Variants in DPY19L2 observed in about 807,000 individuals in gnomAD.
DPY19L2 encodes the protein probable C-mannosyltransferase DPY19L2.
Under a neutral mutation model 97.9 loss-of-function variants are expected in DPY19L2, and 34 were observed. That is an observed-to-expected ratio of 0.35 (90% CI 0.26 to 0.46). DPY19L2 has a LOEUF of 0.46. Ranked by LOEUF, DPY19L2 falls within the 20% of genes least tolerant of loss-of-function variation. The pLI is 1.00. For synonymous variants in DPY19L2, 230 were observed against 307.9 expected (o/e 0.75, Z 2.65); for missense variants, 623 against 911.4 (o/e 0.68, Z 4.07).
intron 6 of DPY19L2, among the ~76,000 whole-genome samples, chr12:63,627,875 T>C (rs1337281625): frequency 6.6e-6 from 1 of 152,094 alleles, no homozygotes; most frequent in African/African-American, 2.4e-5. Flanking sequence ...TAATAAATAC[T>C]GGTTGAATTA....
At chr12:63,630,877 GCAGT>G (rs1361929994) in intron 6 of DPY19L2, among the ~76,000 whole-genome samples, 3 of 151,936 alleles carry the variant, frequency 2.0e-5, no homozygotes, top group African/African-American at 4.8e-5. Context: ...CTCTCAGACG[GCAGT>G]GCAATCAAAC....
At chr12:63,647,035 T>C (rs913079567) in intron 5 of DPY19L2, among the ~76,000 whole-genome samples, 2 of 152,152 alleles carry the variant, frequency 1.3e-5, no homozygotes, top group East Asian at 1.9e-4. Context: ...GATATGTTAA[T>C]ACTCAAATTC....
chr12:63,648,634 G>T (rs1893765830), intron 4 of DPY19L2, among the ~76,000 whole-genome samples: 1 of 151,924 alleles, frequency 6.6e-6, no homozygotes, highest in Non-Finnish European at 1.5e-5. Flanking sequence ...CACCATGTTG[G>T]CCAGGCTGGT....
chr12:63,630,445 C>T (rs948532236), intron 6 of DPY19L2, among the ~76,000 whole-genome samples: 2 of 151,858 alleles, frequency 1.3e-5, no homozygotes, highest in Non-Finnish European at 2.9e-5. Flanking sequence ...GACTTTAAAC[C>T]AACAAAGATC....
At chr12:63,623,233 C>CA (rs1013422405) in intron 8 of DPY19L2, among the ~76,000 whole-genome samples, 10 of 150,442 alleles carry the variant, frequency 6.6e-5, no homozygotes, top group African/African-American at 2.2e-4. Context: ...GTAATCCCTA[C>CA]AAAAAAAGTG....
intron 16 of DPY19L2, among the ~76,000 whole-genome samples, chr12:63,592,263 T>C (rs1228196962): frequency 2.6e-5 from 4 of 151,568 alleles, no homozygotes; most frequent in African/African-American, 9.7e-5. Context: ...ACCAATGACT[T>C]TCTTCACAGA....
intron 21 of DPY19L2, among the ~76,000 whole-genome samples, chr12:63,564,881 T>A (rs1181156467): frequency 6.6e-6 from 1 of 152,172 alleles, no homozygotes; most frequent in Non-Finnish European, 1.5e-5. Flanking sequence ...CTATCAGTTG[T>A]ATTTCATATT....
intron 12 of DPY19L2, among the ~76,000 whole-genome samples, chr12:63,602,658 A>C (rs1307673870): frequency 6.6e-6 from 1 of 152,094 alleles, no homozygotes; most frequent in Non-Finnish European, 1.5e-5. Flanking sequence ...CCAGGCACAA[A>C]AGTCACATAA....
At chr12:63,631,106 G>A (rs1890545283) in intron 6 of DPY19L2, among the ~76,000 whole-genome samples, 1 of 152,022 alleles carries the variant, frequency 6.6e-6, no homozygotes, top group Non-Finnish European at 1.5e-5. Context: ...ATGCCCACAA[G>A]AGAAAGCAGG....
chr12:63,622,821 G>T (rs1888900799), intron 8 of DPY19L2, among the ~76,000 whole-genome samples: 1 of 151,974 alleles, frequency 6.6e-6, no homozygotes, highest in Non-Finnish European at 1.5e-5. Flanking sequence ...AGCTACTTGG[G>T]AGGCTGAGGC....
At chr12:63,636,517 G>A (rs1042002308) in intron 6 of DPY19L2, among the ~76,000 whole-genome samples, 6 of 152,064 alleles carry the variant, frequency 3.9e-5, no homozygotes, top group Non-Finnish European at 8.8e-5. Context: ...TCATTGTGCT[G>A]TATTCGGGAA....
intron 6 of DPY19L2, among the ~76,000 whole-genome samples, chr12:63,633,042 T>C (rs1185703912): frequency 6.6e-6 from 1 of 152,156 alleles, no homozygotes; most frequent in Non-Finnish European, 1.5e-5. Flanking sequence ...ATCCCTTCCT[T>C]ACACCTTTTA....
At chr12:63,631,680 T>C (rs9672244) in intron 6 of DPY19L2, among the ~76,000 whole-genome samples, 16 of 151,970 alleles carry the variant, frequency 1.1e-4, no homozygotes, top group East Asian at 3.9e-4. Context: ...TTCCAATCAA[T>C]AGAAAAAGAG....
rs781047908 is a variant in DPY19L2, at chr12:63,624,163, T to C, written c.862-32A>G. ...TCAACAAAATGCCCACTTTACATCC[T>C]ATTTACTACAACAAACATATTAAAA... On this transcript the variant is annotated intron_variant, in intron 7 of 21. Transcript: ENST00000324472. The C allele has an allele frequency of 6.2e-5, 93 of 1,503,380 alleles. 2 individuals carry two copies. In the South Asian group the frequency reaches 1.0e-3, roughly 16 times the overall value. 93.1% of individuals were successfully genotyped at this position (1,503,380 alleles called of 1,614,324 possible).
intron 6 of DPY19L2, among the ~76,000 whole-genome samples, chr12:63,633,004 C>T (rs1226611881): frequency 6.6e-6 from 1 of 152,122 alleles, no homozygotes; most frequent in Admixed American, 6.5e-5. Flanking sequence ...GGAAAACTGG[C>T]TAGCCATATG....
chr12:63,658,562 TTTTC>T (rs374678831), intron 4 of DPY19L2, among the ~76,000 whole-genome samples: 258 of 152,290 alleles, frequency 1.7e-3, no homozygotes, highest in African/African-American at 5.5e-3. Context: ...ATTTTATTTC[TTTTC>T]TTTTTTAAAC....
At chr12:63,650,363 A>G (rs990167045) in intron 4 of DPY19L2, among the ~76,000 whole-genome samples, 1 of 152,200 alleles carries the variant, frequency 6.6e-6, no homozygotes, top group Non-Finnish European at 1.5e-5. Context: ...CCATATAGGA[A>G]GACGGGAATT....
chr12:63,624,273 T>C, intron 7 of DPY19L2, 142 bp from the exon 8 acceptor site: 2 of 654,396 alleles, frequency 3.1e-6, no homozygotes. Flanking sequence ...TTCTCAGTTT[T>C]TGAAGCTCTC....
chr12:63,646,831 AATCT>A (rs1398080401), intron 5 of DPY19L2, among the ~76,000 whole-genome samples: 1 of 152,200 alleles, frequency 6.6e-6, no homozygotes, highest in Non-Finnish European at 1.5e-5. Flanking sequence ...TTTCTAAATC[AATCT>A]ATTATGGCAT....
Sources: allele counts gnomAD v4.1 joint callset (sites outside exome capture counted in the v4.1 genomes callset), GRCh38; gene constraint gnomAD v4.1.1; transcripts MANE v1.5; gene names NCBI Gene and HGNC (gene_info 2026-07-23, HGNC 2026-07-21).